The following CREB5 variants were observed in gnomAD, a reference collection of about 807,000 sequenced individuals.
CREB5 encodes cAMP responsive element binding protein 5, also known as cyclic AMP-responsive element-binding protein 5.
A neutral mutation model predicts 57.1 loss-of-function variants in CREB5; 19 were observed. The ratio of observed to expected loss-of-function variants is 0.33; its 90% CI spans 0.23 to 0.49. CREB5 has a LOEUF of 0.49. Among genes scored for constraint, CREB5 ranks in the 20% least tolerant of loss-of-function variants. CREB5 has a pLI of 0.99. For synonymous variants in CREB5, 238 were observed against 238.3 expected, an observed-to-expected ratio of 1.00 and a Z score of 0.01; for missense variants, 579 against 671.6, an observed-to-expected ratio of 0.86 and a Z score of 1.52.
chr7:28,460,730 G>A (rs912024976), intron 1 of CREB5, among the ~76,000 whole-genome samples: 3 of 152,122 alleles, frequency 2.0e-5, no homozygotes, highest in Admixed American at 6.6e-5. Context: ...GAGGATTAAA[G>A]GAAGGCTGTT....
intron 5 of CREB5, among the ~76,000 whole-genome samples, chr7:28,691,276 C>T (rs562137443): frequency 1.3e-5 from 2 of 151,878 alleles, no homozygotes; most frequent in East Asian, 1.9e-4. Flanking sequence ...AAAACTTAGC[C>T]GGGTGTGGTG....
chr7:28,744,206 T>C (rs1043619454), intron 7 of CREB5, among the ~76,000 whole-genome samples: 1 of 151,206 alleles, frequency 6.6e-6, no homozygotes, highest in Admixed American at 6.6e-5. Context: ...CTGCATAGTA[T>C]TCCATGGTGT....
chr7:28,671,786 C>T (rs188398169), intron 5 of CREB5, among the ~76,000 whole-genome samples: 7 of 152,282 alleles, frequency 4.6e-5, no homozygotes, highest in Admixed American at 4.6e-4. Flanking sequence ...GTTACTTCAC[C>T]TGTCTGAATT....
chr7:28,759,647 T>C (rs923603291), intron 7 of CREB5, among the ~76,000 whole-genome samples: 2 of 152,212 alleles, frequency 1.3e-5, no homozygotes, highest in African/African-American at 4.8e-5. Flanking sequence ...TCTAGCTAAG[T>C]AAGTTTGCTG....
chr7:28,385,819 C>G (rs530849336), intron 1 of CREB5, among the ~76,000 whole-genome samples: 1 of 152,186 alleles, frequency 6.6e-6, no homozygotes, highest in Non-Finnish European at 1.5e-5. Context: ...CATGGTTTCT[C>G]AGATATAATG....
chr7:28,460,005 G>A (rs1017715712), intron 1 of CREB5, among the ~76,000 whole-genome samples: 1 of 152,150 alleles, frequency 6.6e-6, no homozygotes, highest in Non-Finnish European at 1.5e-5. Context: ...CCTGTCCTGC[G>A]ATTGCATCTT....
intron 5 of CREB5, among the ~76,000 whole-genome samples, chr7:28,616,523 A>G (rs1316200785): frequency 6.6e-6 from 1 of 151,992 alleles, no homozygotes; most frequent in African/African-American, 2.4e-5. Flanking sequence ...AACCTCACCC[A>G]TAAAGGGAGG....
intron 5 of CREB5, among the ~76,000 whole-genome samples, chr7:28,580,486 AC>A (rs1406825271): frequency 1.4e-5 from 2 of 142,374 alleles, no homozygotes; most frequent in Non-Finnish European, 3.0e-5. Flanking sequence ...TACTTATTTA[AC>A]GCAGCTCTGT....
intron 1 of CREB5, among the ~76,000 whole-genome samples, chr7:28,303,370 GA>G (rs1261501631): frequency 3.9e-5 from 6 of 152,086 alleles, no homozygotes; most frequent in African/African-American, 1.4e-4. Flanking sequence ...AGTAACATAT[GA>G]TTACATTTCA....
At chr7:28,660,381 G>GT (rs10696255) in intron 5 of CREB5, among the ~76,000 whole-genome samples, 66,060 of 119,072 alleles carry the variant, frequency 0.55, 19,181 homozygotes, top group East Asian at 0.63. Flanking sequence ...GCATTCAACA[G>GT]TTTTTTTTTT....
rs751599607 is a variant in CREB5, at chr7:28,570,571, G to C, written c.464+34G>C. Reference sequence around the variant, plus strand: ...CCCTCCTTGGCTGCCCCTGGGTCCTGGCTGGAACTCAGGAAATGTCCTGGA... The same window carrying C: ...CCCTCCTTGGCTGCCCCTGGGTCCTCGCTGGAACTCAGGAAATGTCCTGGA... On this transcript the variant is annotated intron_variant, in intron 5 of 10. Transcript: ENST00000357727. 2.5e-6 allele frequency: 4 copies of C among 1,598,888 alleles called. No individual in the cohort carries two copies. The Admixed American group carries it at 6.9e-5, about 27-fold the overall frequency.
chr7:28,410,408 C>A (rs777957090), upstream of CREB5: 1 of 456,622 alleles, frequency 2.2e-6, no homozygotes, highest in African/African-American at 2.0e-5. Flanking sequence ...GGCAGATTCT[C>A]GGCAGAATCA....
intron 1 of CREB5, among the ~76,000 whole-genome samples, chr7:28,371,541 G>T (rs1370606950): frequency 6.6e-6 from 1 of 150,872 alleles, no homozygotes; most frequent in East Asian, 2.0e-4. Context: ...AGGTGGGGAG[G>T]CCAGGCCTGA....
chr7:28,436,292 GT>G (rs1419834395), intron 1 of CREB5, among the ~76,000 whole-genome samples: 24 of 152,194 alleles, frequency 1.6e-4, no homozygotes, highest in Admixed American at 9.8e-4. Context: ...TTCCACTTAT[GT>G]TTTCCAATGT....
intron 1 of CREB5, among the ~76,000 whole-genome samples, chr7:28,433,012 T>C (rs1210553364): frequency 6.6e-6 from 1 of 152,216 alleles, no homozygotes; most frequent in Non-Finnish European, 1.5e-5. Context: ...TTTTTGAAAA[T>C]GTGATTTTAA....
chr7:28,398,224 G>T (rs1243517381), intron 1 of CREB5, among the ~76,000 whole-genome samples: 1 of 152,052 alleles, frequency 6.6e-6, no homozygotes, highest in African/African-American at 2.4e-5. Flanking sequence ...TTGTGTATTT[G>T]ACTTAATTCC....
Position 28,782,849 on chromosome 7 carries a change from G to A in CREB5, c.703-21350G>A, listed in dbSNP as rs114395907. The stretch of plus-strand genomic sequence containing the variant: ...GCACAGGCTCTTTGATAAGTTGTGC[G>A]GGGCGACAGTCCAGGAGTCAGCAAG... On this transcript the variant is annotated intron_variant, in intron 7 of 10. Transcript: ENST00000357727. Among the ~76,000 whole-genome samples the A allele has an allele frequency of 3.4e-3, 519 of 152,278 alleles. 2 individuals carry two copies. The highest frequency in any genetic ancestry group is 0.012 in the African/African-American group (502 of 41,564).
At chr7:28,516,803 C>T (rs1456937708) in intron 4 of CREB5, among the ~76,000 whole-genome samples, 1 of 152,178 alleles carries the variant, frequency 6.6e-6, no homozygotes, top group Non-Finnish European at 1.5e-5. Flanking sequence ...GCAGGCAAGC[C>T]AGGCTGCAAT....
intron 4 of CREB5, among the ~76,000 whole-genome samples, chr7:28,531,049 T>G (rs2128621803): frequency 6.6e-6 from 1 of 152,306 alleles, no homozygotes; most frequent in Middle Eastern, 3.4e-3. Context: ...AAATGTTGTT[T>G]TTTTTTCCCA....
Sources: gnomAD v4.1 joint callset for allele counts (sites outside exome capture counted in the v4.1 genomes callset) on GRCh38, gnomAD v4.1.1 for gene constraint, MANE v1.5 for transcripts, NCBI Gene and HGNC (gene_info 2026-07-23, HGNC 2026-07-21) for gene names.